Variants in SNX30 observed in about 807,000 individuals in gnomAD.
The protein encoded by SNX30 is sorting nexin-30.
In SNX30, 24 loss-of-function variants were observed where a neutral mutation model predicts 46.4. The ratio of observed to expected loss-of-function variants is 0.52; its 90% CI spans 0.37 to 0.73. The LOEUF is 0.73. Ranked by LOEUF, SNX30 falls within the 30% of genes least tolerant of loss-of-function variation. SNX30 has a pLI of 0.00. For missense variants in SNX30, 533 were observed against 555.7 expected (o/e 0.96, Z 0.41); for synonymous variants, 189 against 211.5 (o/e 0.89, Z 0.92).
intron 1 of SNX30, among the ~76,000 whole-genome samples, chr9:112,779,252 T>C (rs1839805512): frequency 6.6e-6 from 1 of 152,246 alleles, no homozygotes; most frequent in Non-Finnish European, 1.5e-5. Context: ...ACGGATAGAC[T>C]GTGTGAGTGG....
Position 112,828,982 on chromosome 9 carries a change from G to A in SNX30, c.460-1743G>A, listed in dbSNP as rs577323488. Among the ~76,000 whole-genome samples, 39 of 152,154 alleles carry A rather than the reference G, an allele frequency of 2.6e-4. 1 individual carries two copies. The South Asian group carries it at 7.7e-3, about 30-fold the overall frequency. ...TGTCTCTGTGGGTTTGCCTATTCTGGACATTTCACATGAATGGAATCATAT... is the reference window on the plus strand; with the variant it reads ...TGTCTCTGTGGGTTTGCCTATTCTGAACATTTCACATGAATGGAATCATAT... On this transcript the variant is annotated intron_variant, in intron 3 of 8. Coordinates refer to ENST00000374232, the MANE Select transcript of SNX30 (RefSeq NM_001012994.2).
intron 1 of SNX30, among the ~76,000 whole-genome samples, chr9:112,762,955 G>A (rs1224603060): frequency 3.3e-5 from 5 of 152,136 alleles, no homozygotes; most frequent in Admixed American, 1.3e-4. Flanking sequence ...ATTGGTTGAC[G>A]GCTGCTTGGG....
In SNX30 at chr9:112,823,639, A is replaced by T. The variant is rs551795303; in HGVS notation, c.459+5824A>T. ...TTAAGGAAGAAAGCTTTCTGGAAGGATACATTTGTATTATGTCCAAGTTTT... is the reference window on the plus strand; with the variant it reads ...TTAAGGAAGAAAGCTTTCTGGAAGGTTACATTTGTATTATGTCCAAGTTTT... On this transcript the variant is annotated intron_variant, in intron 3 of 8. Coordinates refer to ENST00000374232, the MANE Select transcript of SNX30 (RefSeq NM_001012994.2). Among the ~76,000 whole-genome samples, 152 of 152,326 alleles carry T rather than the reference A, an allele frequency of 1.0e-3. 3 individuals carry two copies. Among genetic ancestry groups the T allele is most frequent in the African/African-American group, 3.4e-3 (142 of 41,584 alleles).
Position 112,822,531 on chromosome 9 carries a change from G to GTTTTT in SNX30, c.459+4720_459+4721insTTTTT, listed in dbSNP as rs1340146319. On this transcript the variant is annotated intron_variant, in intron 3 of 8. Transcript: ENST00000374232. ...ACAAGTTTTCTTTTGTCCCTTTGCT[G>GTTTTT]TTTTGTTTTGTTTTTTTTTTTTGTA... Among the ~76,000 whole-genome samples the GTTTTT allele has an allele frequency of 1.2e-3, 41 of 34,406 alleles. 2 individuals are homozygous for GTTTTT. The highest frequency in any genetic ancestry group is 1.9e-3 in the African/African-American group (24 of 12,912). The allele number at this position is 34,406 out of a possible 152,430, so 22.6% of individuals were successfully genotyped here.
chr9:112,814,354 C>T (rs894407230), intron 2 of SNX30, among the ~76,000 whole-genome samples: 2 of 152,186 alleles, frequency 1.3e-5, no homozygotes, highest in South Asian at 2.1e-4. Context: ...GATCCTCCCA[C>T]CTCAGCGTCC....
chr9:112,830,223 C>T (rs1840640346), intron 3 of SNX30, among the ~76,000 whole-genome samples: 1 of 151,966 alleles, frequency 6.6e-6, no homozygotes, highest in African/African-American at 2.4e-5. Flanking sequence ...AAAAAATTGG[C>T]CTATAAAAGG....
intron 2 of SNX30, among the ~76,000 whole-genome samples, chr9:112,815,359 CTTT>C (rs201531415): frequency 6.4e-5 from 9 of 140,666 alleles, no homozygotes; most frequent in Non-Finnish European, 9.4e-5. Flanking sequence ...AATAGTGTAA[CTTT>C]TTTTTTTTTT....
intron 5 of SNX30, among the ~76,000 whole-genome samples, chr9:112,880,630 T>A (rs974935197): frequency 9.2e-5 from 14 of 152,222 alleles, no homozygotes; most frequent in African/African-American, 3.4e-4. Context: ...ATCTCCTTGT[T>A]CAGGTGCTGT....
intron 2 of SNX30, among the ~76,000 whole-genome samples, chr9:112,805,874 AC>A (rs2131404029): frequency 6.6e-6 from 1 of 152,374 alleles, no homozygotes; most frequent in East Asian, 1.9e-4. Context: ...AAAGTTGGTA[AC>A]CAGGATTCTA....
At chr9:112,819,506 A>G (rs1326962502) in intron 3 of SNX30, among the ~76,000 whole-genome samples, 1 of 151,974 alleles carries the variant, frequency 6.6e-6, no homozygotes, top group East Asian at 1.9e-4. Flanking sequence ...ATCTCAGGTA[A>G]TCCTCCCACC....
At chr9:112,885,161 A>G (rs537954873), downstream of SNX30, 1 of 152,288 alleles carries the variant, frequency 6.6e-6, no homozygotes, top group East Asian at 1.9e-4. Flanking sequence ...CAATTATGAA[A>G]TAATGCAAAG....
At chr9:112,762,090 T>G (rs1392500860) in intron 1 of SNX30, among the ~76,000 whole-genome samples, 1 of 152,212 alleles carries the variant, frequency 6.6e-6, no homozygotes, top group Non-Finnish European at 1.5e-5. Flanking sequence ...CAGGCGCTGA[T>G]GCATGTATGA....
intron 7 of SNX30, among the ~76,000 whole-genome samples, chr9:112,856,451 T>C (rs1421284575): frequency 6.8e-6 from 1 of 148,062 alleles, no homozygotes; most frequent in Non-Finnish European, 1.5e-5. Context: ...GTGTGGTGTT[T>C]TGGGGGAGCA....
intron 6 of SNX30, among the ~76,000 whole-genome samples, chr9:112,843,214 T>C (rs932653185): frequency 6.6e-6 from 1 of 152,228 alleles, no homozygotes; most frequent in African/African-American, 2.4e-5. Context: ...TCAGCAAGCA[T>C]GTAATTGAAT....
chr9:112,855,345 G>A (rs887501668), intron 7 of SNX30, among the ~76,000 whole-genome samples: 20 of 152,256 alleles, frequency 1.3e-4, no homozygotes, highest in East Asian at 3.9e-4. Flanking sequence ...CAGGAGTGCC[G>A]GGGAGGAGAG....
chr9:112,836,960 C>T (rs1185713034), intron 5 of SNX30, among the ~76,000 whole-genome samples: 2 of 152,216 alleles, frequency 1.3e-5, no homozygotes. Context: ...TTCCTTCCCA[C>T]CCCTCTCGGG....
At chr9:112,781,645 T>G (rs1839848533) in intron 1 of SNX30, among the ~76,000 whole-genome samples, 1 of 152,230 alleles carries the variant, frequency 6.6e-6, no homozygotes, top group Admixed American at 6.5e-5. Context: ...AAACTTTTTT[T>G]TTTTAAGACA....
In SNX30 at chr9:112,776,133, G is replaced by A. The variant is rs74356705; in HGVS notation, c.156+24976G>A. On this transcript the variant is annotated intron_variant, in intron 1 of 8. Transcript: ENST00000374232. ...TTAATCCCCACTCAAAATCCAGTGG[G>A]CCCTTTTAGTTTTACTGCTTCATCT... 6.6e-4 allele frequency among the ~76,000 whole-genome samples: 101 copies of A among 152,010 alleles called. No homozygotes were observed. In the East Asian group the frequency reaches 0.018, roughly 27 times the overall value.
intron 1 of SNX30, among the ~76,000 whole-genome samples, chr9:112,757,805 C>T (rs984116792): frequency 6.6e-5 from 10 of 152,140 alleles, no homozygotes; most frequent in African/African-American, 2.4e-4. Context: ...ATATTCAGTT[C>T]CCTTGCTCTC....
Sources: allele counts gnomAD v4.1 joint callset (sites outside exome capture counted in the v4.1 genomes callset), GRCh38; gene constraint gnomAD v4.1.1; transcripts MANE v1.5; gene names NCBI Gene and HGNC (gene_info 2026-07-23, HGNC 2026-07-21).